Variants in KCNH8 observed in about 807,000 individuals in gnomAD.
KCNH8 encodes voltage-gated delayed rectifier potassium channel KCNH8.
A neutral mutation model predicts 103.6 loss-of-function variants in KCNH8; 70 were observed. That is an observed-to-expected ratio of 0.68 (90% CI 0.56 to 0.82). KCNH8 has a LOEUF of 0.82. KCNH8 is among the 40% of genes least tolerant of loss of function. The pLI, the probability that KCNH8 is intolerant of heterozygous loss-of-function variation, is 0.00. For missense variants in KCNH8, 1,217 were observed against 1,329.9 expected (o/e 0.92, Z 1.32); for synonymous variants, 498 against 489.4 (o/e 1.02, Z -0.23).
intron 3 of KCNH8, among the ~76,000 whole-genome samples, chr3:19,328,035 T>A (rs1470392075): frequency 2.0e-5 from 3 of 152,014 alleles, no homozygotes; most frequent in Admixed American, 6.6e-5. Context: ...CTCTGTCTCA[T>A]TTTTTTTCTG....
At chr3:19,446,471 A>G (rs1005667894) in intron 8 of KCNH8, among the ~76,000 whole-genome samples, 2 of 152,020 alleles carry the variant, frequency 1.3e-5, no homozygotes, top group African/African-American at 4.8e-5. Flanking sequence ...GCTGTTCTCA[A>G]GATGTCTTTG....
chr3:19,156,766 C>T (rs1341975386), intron 1 of KCNH8, among the ~76,000 whole-genome samples: 1 of 152,000 alleles, frequency 6.6e-6, no homozygotes, highest in Non-Finnish European at 1.5e-5. Flanking sequence ...ATAGTGATAT[C>T]ATTTTGGATA....
chr3:19,512,970 T>A lies in KCNH8; in HGVS notation c.2080T>A (p.Ser694Thr). The part of the protein sequence containing the change: ...RLSNKSMVSQ[S>T]EPKGNGNINK... ...TAATTTATATTATCCACTGATTTAG[T>A]CAGAGCCCAAGGGAAATGGCAACAT... The change falls in exon 13 of 16, where the codon TCA becomes ACA. Residue 694 changes from serine to threonine, a missense_variant and splice_region_variant. This residue lies in a region of KCNH8 where 558 missense variants were observed against 495.8 expected (regional missense o/e 1.13). Transcript: ENST00000328405. 1 of 1,612,250 alleles carries A rather than the reference T, an allele frequency of 6.2e-7. No homozygotes were observed. Among genetic ancestry groups the A allele is most frequent in the South Asian group, 1.1e-5 (1 of 90,894 alleles).
At position 19,449,060 on chromosome 3, in the gene KCNH8, T is replaced by C. The variant is rs988777923; in HGVS notation, c.1376-1046T>C. 4.2e-5 allele frequency: 36 copies of C among 856,280 alleles called. 1 individual carries two copies. In the African/African-American group the frequency reaches 5.9e-4, roughly 14 times the overall value. The allele number at this position is 856,280 out of a possible 1,614,324, so 53.0% of individuals were successfully genotyped here. A position where few individuals can be genotyped will look rare whatever the true frequency, so the allele number is the denominator to read the frequency against. On this transcript the variant is annotated intron_variant, in intron 8 of 15. Transcript: ENST00000328405. Reference sequence around the variant, plus strand: ...CTTCTCTGACTTGATGATACCTAGATGCTTCCCAAAGTGGGTAATTCCTGG... The same window carrying C: ...CTTCTCTGACTTGATGATACCTAGACGCTTCCCAAAGTGGGTAATTCCTGG...
intron 15 of KCNH8, among the ~76,000 whole-genome samples, chr3:19,526,965 A>T (rs1364235139): frequency 6.6e-6 from 1 of 151,946 alleles, no homozygotes; most frequent in African/African-American, 2.4e-5. Flanking sequence ...CAATAAATAC[A>T]TGTAGTAGCT....
chr3:19,235,614 T>C (rs2064054858), intron 1 of KCNH8, among the ~76,000 whole-genome samples: 3 of 152,214 alleles, frequency 2.0e-5, no homozygotes, highest in Admixed American at 2.0e-4. Flanking sequence ...TCTGAATACT[T>C]AAGAATAACG....
At chr3:19,428,969 C>G (rs1265777559) in intron 7 of KCNH8, among the ~76,000 whole-genome samples, 1 of 151,928 alleles carries the variant, frequency 6.6e-6, no homozygotes, top group Non-Finnish European at 1.5e-5. Flanking sequence ...TGACTGTGCC[C>G]CCCTTTAGGT....
chr3:19,464,493 G>A (rs965868175), intron 11 of KCNH8, among the ~76,000 whole-genome samples: 3 of 152,050 alleles, frequency 2.0e-5, no homozygotes, highest in African/African-American at 7.2e-5. Context: ...ATTTCTTGAG[G>A]AGGACATGGA....
At position 19,200,805 on chromosome 3, in the gene KCNH8, T is replaced by G. The variant is rs188063317; in HGVS notation, c.76+52010T>G. 2.6e-3 allele frequency among the ~76,000 whole-genome samples: 390 copies of G among 152,192 alleles called. 2 individuals are homozygous for G. Among genetic ancestry groups the G allele is most frequent in the South Asian group, 0.015 (73 of 4,822 alleles). On this transcript the variant is annotated intron_variant, in intron 1 of 15. Coordinates refer to ENST00000328405, the MANE Select transcript of KCNH8 (RefSeq NM_144633.3). The stretch of plus-strand genomic sequence containing the variant: ...CGTTACTTTTATAGTGAGAGTTCAT[T>G]AGTAAATTTCTGTCCTTAAAGTTTT...
chr3:19,416,100 A>G (rs762030738), intron 7 of KCNH8, among the ~76,000 whole-genome samples: 1 of 152,108 alleles, frequency 6.6e-6, no homozygotes, highest in Non-Finnish European at 1.5e-5. Flanking sequence ...CATCTAAATT[A>G]TGTGGGACTT....
intron 1 of KCNH8, among the ~76,000 whole-genome samples, chr3:19,178,165 G>A (rs1170481093): frequency 1.3e-5 from 2 of 151,946 alleles, no homozygotes; most frequent in African/African-American, 4.8e-5. Context: ...ATTTAGAATT[G>A]AGGCTTCTGA....
In KCNH8 at chr3:19,351,823, G is replaced by A. The variant is rs548628717; in HGVS notation, c.811+3858G>A. ...ACCATCGAGGCTGGGAAGAAACTGC[G>A]TCAACTAACAAGCAAAATAACCAGC... On this transcript the variant is annotated intron_variant, in intron 5 of 15. Coordinates refer to ENST00000328405, the MANE Select transcript of KCNH8 (RefSeq NM_144633.3). Among the ~76,000 whole-genome samples the A allele has an allele frequency of 2.7e-3, 412 of 152,150 alleles. 5 individuals carry two copies. Among genetic ancestry groups the A allele is most frequent in the African/African-American group, 8.4e-3 (348 of 41,522 alleles).
chr3:19,388,516 G>C (rs557974582), intron 5 of KCNH8, among the ~76,000 whole-genome samples: 5 of 152,160 alleles, frequency 3.3e-5, no homozygotes, highest in African/African-American at 1.2e-4. Flanking sequence ...TAACTGTGCA[G>C]TGTAATTCAC....
chr3:19,371,631 A>C (rs2066097504), intron 5 of KCNH8, among the ~76,000 whole-genome samples: 2 of 150,118 alleles, frequency 1.3e-5, no homozygotes, highest in Non-Finnish European at 3.0e-5. Context: ...CCCATTTGTC[A>C]ATTTTGGCTT....
chr3:19,486,602 A>G (rs1037905818), intron 11 of KCNH8, among the ~76,000 whole-genome samples: 7 of 152,084 alleles, frequency 4.6e-5, no homozygotes, highest in African/African-American at 1.7e-4. Context: ...TTTTTGACAC[A>G]TAGAGTGTAA....
intron 3 of KCNH8, among the ~76,000 whole-genome samples, chr3:19,337,608 C>T (rs148792664): frequency 7.1e-4 from 108 of 152,102 alleles, no homozygotes; most frequent in African/African-American, 2.5e-3. Context: ...AACACTCTTA[C>T]TAGATAATTT....
chr3:19,194,677 C>G (rs952626225), intron 1 of KCNH8, among the ~76,000 whole-genome samples: 10 of 151,888 alleles, frequency 6.6e-5, no homozygotes, highest in African/African-American at 2.4e-4. Flanking sequence ...TTATTGGGTA[C>G]TAGGTTCATT....
At chr3:19,412,627 A>G (rs894000130) in intron 7 of KCNH8, among the ~76,000 whole-genome samples, 1 of 152,108 alleles carries the variant, frequency 6.6e-6, no homozygotes, top group African/African-American at 2.4e-5. Context: ...AAATATTGGC[A>G]AACTATGCAT....
chr3:19,435,724 C>T (rs1211011317), intron 7 of KCNH8, among the ~76,000 whole-genome samples: 1 of 152,160 alleles, frequency 6.6e-6, no homozygotes, highest in Non-Finnish European at 1.5e-5. Flanking sequence ...TTATCTTTTA[C>T]TAGGTGGTTT....
Sources: allele counts gnomAD v4.1 joint callset (sites outside exome capture counted in the v4.1 genomes callset), GRCh38; gene constraint gnomAD v4.1.1; regional missense constraint gnomAD v4.1.1; transcripts MANE v1.5; gene names NCBI Gene and HGNC (gene_info 2026-07-23, HGNC 2026-07-21).